MAST2: variants seen among roughly 807,000 people sequenced by gnomAD.
MAST2 encodes microtubule-associated serine/threonine-protein kinase 2.
Under a neutral mutation model 147.4 loss-of-function variants are expected in MAST2, and 70 were observed. That is an observed-to-expected ratio of 0.47 (90% CI 0.39 to 0.58). The LOEUF is 0.58. Among genes scored for constraint, MAST2 ranks in the 20% least tolerant of loss-of-function variants. The probability of loss-of-function intolerance (pLI) is 0.00; values close to 1 mark genes in which losing one functional copy is unlikely to be tolerated. For missense variants in MAST2, 2,080 were observed against 2,302.3 expected, an observed-to-expected ratio of 0.90 and a Z score of 1.98; for synonymous variants, 869 against 896.8, an observed-to-expected ratio of 0.97 and a Z score of 0.55.
intron 5 of MAST2, among the ~76,000 whole-genome samples, chr1:45,971,950 A>G (rs1045674538): frequency 3.3e-5 from 5 of 152,266 alleles, no homozygotes; most frequent in Admixed American, 1.3e-4. Flanking sequence ...ATATCATCTA[A>G]TTGATTTTAC....
intron 5 of MAST2, among the ~76,000 whole-genome samples, chr1:45,963,212 T>G (rs1346692163): frequency 2.0e-5 from 3 of 152,252 alleles, no homozygotes; most frequent in Non-Finnish European, 4.4e-5. Flanking sequence ...CCTCCAGCTT[T>G]GTTCTTTTGG....
chr1:45,978,041 C>A (rs532161676), intron 5 of MAST2, among the ~76,000 whole-genome samples: 2 of 151,992 alleles, frequency 1.3e-5, no homozygotes, highest in South Asian at 4.1e-4. Flanking sequence ...CATAGTGAAA[C>A]CCTATCTCTT....
rs1255300779 is a variant in MAST2, at chr1:45,877,069, T to TA, written c.469-5288dup. Among the ~76,000 whole-genome samples, 6 of 152,268 alleles carry TA rather than the reference T, an allele frequency of 3.9e-5. No individual in the cohort carries two copies. In the East Asian group the frequency reaches 7.7e-4, roughly 20 times the overall value. ...GTGTCTTCGTCTGTTCGTGCTGCTA[T>TA]AAAAAAATACCACAGATTGGATCAT... On this transcript the variant is annotated intron_variant, in intron 3 of 28. Transcript: ENST00000361297.
Position 46,023,676 on chromosome 1 carries a change from C to G in MAST2, c.1572-96C>G. On this transcript the variant is annotated intron_variant, in intron 14 of 28. Coordinates refer to ENST00000361297, the MANE Select transcript of MAST2 (RefSeq NM_015112.3). The surrounding 1 kb of genome is among the most constrained non-coding windows in gnomAD (Gnocchi z 4.9). ...CATGCCCTTGCCCCCTTGTTCTGTGCATTAATTAAGGTGTGAGAGAAGGCA... is the reference window on the plus strand; with the variant it reads ...CATGCCCTTGCCCCCTTGTTCTGTGGATTAATTAAGGTGTGAGAGAAGGCA... The G allele has an allele frequency of 9.0e-7, 1 of 1,109,000 alleles. No homozygotes were observed. The highest frequency in any genetic ancestry group is 1.3e-6 in the Non-Finnish European group (1 of 757,768). 68.7% of individuals were successfully genotyped at this position (1,109,000 alleles called of 1,614,324 possible). A position where few individuals can be genotyped will look rare whatever the true frequency, so the allele number is the denominator to read the frequency against.
At chr1:45,872,920 T>G (rs1434002338) in intron 3 of MAST2, among the ~76,000 whole-genome samples, 5 of 152,254 alleles carry the variant, frequency 3.3e-5, no homozygotes, top group Non-Finnish European at 5.9e-5. Context: ...TTAATATCTT[T>G]TATTTTGTTC....
chr1:45,976,120 G>A (rs1644144685), intron 5 of MAST2, among the ~76,000 whole-genome samples: 1 of 151,966 alleles, frequency 6.6e-6, no homozygotes, highest in South Asian at 2.1e-4. Context: ...GACTGCAGGT[G>A]TGCACCACCA....
chr1:45,991,444 A>G (rs1180485764), intron 5 of MAST2, among the ~76,000 whole-genome samples: 1 of 152,186 alleles, frequency 6.6e-6, no homozygotes, highest in Non-Finnish European at 1.5e-5. Context: ...TTTGATTGGG[A>G]TTGCATTTAA....
chr1:46,030,733 C>T lies in MAST2; in HGVS notation c.2680C>T (p.Arg894Trp), dbSNP rs768074061. ...DGLAGLKGRD[R>W]SWVIGSPEIL... ...CCTGGCAGGGCTCAAAGGCCGAGAC[C>T]GGAGCTGGGTGATTGGCTCCCCTGA... The change falls in exon 22 of 29, where the codon CGG becomes TGG. Residue 894 changes from arginine to tryptophan, a missense_variant. Arg to Trp is a moderately radical substitution (Grantham distance 101). Around this residue, in one of 4 missense-constraint regions of MAST2, gnomAD observed 1,278 missense variants for 1,304.2 expected, o/e 0.98. Transcript: ENST00000361297. 15 of 1,593,180 alleles carry T rather than the reference C, an allele frequency of 9.4e-6. No individual in the cohort carries two copies. Among genetic ancestry groups the T allele is most frequent in the East Asian group, 4.5e-5 (2 of 44,532 alleles).
At chr1:45,835,033 C>G (rs1269998764) in intron 3 of MAST2, among the ~76,000 whole-genome samples, 1 of 151,848 alleles carries the variant, frequency 6.6e-6, no homozygotes, top group Non-Finnish European at 1.5e-5. Context: ...AACATATCTA[C>G]TGGAAATCTA....
chr1:46,016,871 A>G (rs1249782011), intron 10 of MAST2, among the ~76,000 whole-genome samples: 2 of 152,170 alleles, frequency 1.3e-5, no homozygotes, highest in Non-Finnish European at 2.9e-5. Context: ...CGCCAAGTCA[A>G]TCCTAAGCCA....
intron 26 of MAST2, among the ~76,000 whole-genome samples, chr1:46,033,301 T>C (rs992962389): frequency 2.1e-4 from 31 of 148,232 alleles, no homozygotes; most frequent in Non-Finnish European, 4.2e-4. Flanking sequence ...TAGCCGAGTG[T>C]GGTAGCACAT....
intron 5 of MAST2, among the ~76,000 whole-genome samples, chr1:45,971,197 G>A (rs1167661420): frequency 6.6e-6 from 1 of 152,200 alleles, no homozygotes; most frequent in Admixed American, 6.5e-5. Context: ...TGTAGTTGCA[G>A]CCCACTGGAT....
intron 1 of MAST2, among the ~76,000 whole-genome samples, chr1:45,812,877 T>G (rs1340782628): frequency 2.0e-5 from 3 of 152,188 alleles, no homozygotes; most frequent in Admixed American, 6.5e-5. Context: ...CACTACTCAT[T>G]TACCAGAACA....
At chr1:45,868,535 A>G (rs1320706305) in intron 3 of MAST2, among the ~76,000 whole-genome samples, 1 of 150,584 alleles carries the variant, frequency 6.6e-6, no homozygotes, top group Non-Finnish European at 1.5e-5. Flanking sequence ...ACCCCCCCCA[A>G]CCCCCTGCTT....
At chr1:45,857,084 C>T (rs1645813896) in intron 3 of MAST2, among the ~76,000 whole-genome samples, 1 of 152,120 alleles carries the variant, frequency 6.6e-6, no homozygotes, top group African/African-American at 2.4e-5. Context: ...TATCTTCTAA[C>T]ATACTGTATA....
Position 46,027,795 on chromosome 1 carries a change from A to C in MAST2, c.1984A>C (p.Met662Leu). Reference sequence around the variant, plus strand: ...CTTTGGACTGTCCAAAATTGGCCTCATGAGTCTGACAACGAACTTGTATGA... The same window carrying C: ...CTTTGGACTGTCCAAAATTGGCCTCCTGAGTCTGACAACGAACTTGTATGA... ...TDFGLSKIGL[M>L]SLTTNLYEGH... Residue 662 changes from methionine to leucine, a missense_variant, in exon 17 of 29, where the codon ATG becomes CTG. Coordinates refer to ENST00000361297, the MANE Select transcript of MAST2 (RefSeq NM_015112.3). 1.9e-6 allele frequency: 3 copies of C among 1,614,198 alleles called. No homozygotes were observed. The highest frequency in any genetic ancestry group is 4.5e-5 in the East Asian group (2 of 44,890).
At chr1:46,000,828 A>G (rs528155671) in intron 6 of MAST2, 90 of 541,702 alleles carry the variant, frequency 1.7e-4, no homozygotes, top group African/African-American at 1.2e-3. Context: ...TGGTCCTACA[A>G]TTTCACTTCA....
chr1:45,932,442 G>A (rs1323957832), intron 4 of MAST2, among the ~76,000 whole-genome samples: 2 of 152,158 alleles, frequency 1.3e-5, no homozygotes, highest in African/African-American at 4.8e-5. Context: ...AGCACTTTGA[G>A]GTGGGTGGAT....
At position 45,900,445 on chromosome 1, in the gene MAST2, TA is replaced by T. The variant is rs1220709547; in HGVS notation, c.500+18051del. Among the ~76,000 whole-genome samples the T allele has an allele frequency of 4.9e-3, 99 of 20,014 alleles. 27 individuals carry two copies. The highest frequency in any genetic ancestry group is 0.032 in the African/African-American group (93 of 2,898). 13.1% of individuals were successfully genotyped at this position (20,014 alleles called of 152,430 possible). A position where few individuals can be genotyped will look rare whatever the true frequency, so the allele number is the denominator to read the frequency against. On this transcript the variant is annotated intron_variant, in intron 4 of 28. Coordinates refer to ENST00000361297, the MANE Select transcript of MAST2 (RefSeq NM_015112.3). ...TTCTCTGATGATTAGTGATGTTGGA[TA>T]TTTTTTTTTTTTTTTTTTTTTTTTT...
Sources: gnomAD v4.1 joint callset for allele counts (sites outside exome capture counted in the v4.1 genomes callset) on GRCh38, gnomAD v4.1.1 for gene constraint, gnomAD v4.1.1 regional missense constraint, Gnocchi (gnomAD v3.1) non-coding constraint, MANE v1.5 for transcripts, NCBI Gene and HGNC (gene_info 2026-07-23, HGNC 2026-07-21) for gene names.